Variants in OOEP observed in about 807,000 individuals in gnomAD.
OOEP encodes oocyte expressed protein.
Under a neutral mutation model 13.7 loss-of-function variants are expected in OOEP, and 16 were observed. That is an observed-to-expected ratio of 1.16 (90% CI 0.79 to 1.77). The LOEUF is 1.77. Ranked by LOEUF, OOEP falls within the 40% of genes most tolerant of loss-of-function variation. The probability of loss-of-function intolerance (pLI) is 0.00; values close to 1 mark genes in which losing one functional copy is unlikely to be tolerated. For synonymous variants in OOEP, 89 were observed against 77.1 expected (o/e 1.15, Z -0.81); for missense variants, 195 against 193.1 (o/e 1.01, Z -0.06).
At chr6:73,379,657 A>AAAAAG (rs56207164) in intron 2 of OOEP, among the ~76,000 whole-genome samples, 10,819 of 110,754 alleles carry the variant, frequency 0.098, 1,441 homozygotes, top group East Asian at 0.25. Flanking sequence ...AAAAAAAAAA[A>AAAAAG]AAAAGTGGCC....
chr6:73,369,762 G>A lies in OOEP; in HGVS notation c.31C>T (p.Gln11Ter), dbSNP rs765046851. 6 of 1,613,890 alleles carry A rather than the reference G, an allele frequency of 3.7e-6. No homozygotes were observed. Among genetic ancestry groups the A allele is most frequent in the Non-Finnish European group, 4.2e-6 (5 of 1,179,852 alleles). The change falls in exon 1 of 3, where the codon CAG (glutamine) becomes TAG (stop). Residue 11 changes from glutamine to a stop codon, truncating the protein, a stop_gained. Coordinates refer to ENST00000370359, the MANE Select transcript of OOEP (RefSeq NM_001080507.3). LOFTEE classifies it high-confidence loss of function. MVDDAGAAES[Q>*]RGKQTPAHSL... ...TGGGCCGGAGTCTGTTTGCCCCGCT[G>A]GGACTCAGCGGCACCAGCATCATCG...
intron 2 of OOEP, among the ~76,000 whole-genome samples, chr6:73,381,868 C>T (rs992408712): frequency 6.6e-6 from 1 of 152,068 alleles, no homozygotes; most frequent in African/African-American, 2.4e-5. Context: ...GTAAACCCAG[C>T]TACTTGGGAG....
intron 2 of OOEP, among the ~76,000 whole-genome samples, chr6:73,388,341 G>T (rs1769302657): frequency 6.6e-6 from 1 of 152,158 alleles, no homozygotes; most frequent in Non-Finnish European, 1.5e-5. Context: ...AAGGGGAAAA[G>T]TCAGAGTGCA....
chr6:73,390,714 C>A (rs1196216984), intron 2 of OOEP, among the ~76,000 whole-genome samples: 1 of 150,412 alleles, frequency 6.6e-6, no homozygotes, highest in Non-Finnish European at 1.5e-5. Flanking sequence ...GTAGCTGGAG[C>A]TATAAGCATG....
At chr6:73,392,467 G>C (rs1769360464) in intron 2 of OOEP, among the ~76,000 whole-genome samples, 1 of 151,836 alleles carries the variant, frequency 6.6e-6, no homozygotes, top group South Asian at 2.1e-4. Context: ...ACCATGCCTG[G>C]CTAATTTTTT....
At chr6:73,375,042 G>C (rs1371266592) in intron 2 of OOEP, among the ~76,000 whole-genome samples, 1 of 151,992 alleles carries the variant, frequency 6.6e-6, no homozygotes, top group African/African-American at 2.4e-5. Context: ...GGCCAGGCTG[G>C]TCTCAAACTC....
At chr6:73,379,201 T>A (rs983628428) in intron 2 of OOEP, among the ~76,000 whole-genome samples, 4 of 151,736 alleles carry the variant, frequency 2.6e-5, no homozygotes, top group African/African-American at 7.2e-5. Flanking sequence ...ATTTTTATGC[T>A]TTTGTAGAGA....
intron 2 of OOEP, among the ~76,000 whole-genome samples, chr6:73,390,531 C>CT (rs1242930182): frequency 1.3e-5 from 2 of 149,618 alleles, no homozygotes; most frequent in Admixed American, 1.3e-4. Context: ...TATTATTTTG[C>CT]TTTTTTTGTT....
chr6:73,376,362 T>G (rs978665155), intron 2 of OOEP, among the ~76,000 whole-genome samples: 6 of 148,376 alleles, frequency 4.0e-5, no homozygotes, highest in Non-Finnish European at 8.9e-5. Context: ...TTTTTTTTTT[T>G]TTTTTTTTTT....
upstream of OOEP, among the ~76,000 whole-genome samples, chr6:73,373,674 C>T (rs868729688): frequency 6.6e-6 from 1 of 152,146 alleles, no homozygotes. Flanking sequence ...ACTGCAACCT[C>T]CGCCTCCTGG....
At chr6:73,392,610 C>CT (rs1343579255) in intron 2 of OOEP, among the ~76,000 whole-genome samples, 1 of 135,914 alleles carries the variant, frequency 7.4e-6, no homozygotes, top group Non-Finnish European at 1.5e-5. Context: ...GGCCTATTTC[C>CT]TAGGTAATCT....
chr6:73,373,417 G>A (rs1769091710), upstream of OOEP, among the ~76,000 whole-genome samples: 1 of 152,084 alleles, frequency 6.6e-6, no homozygotes, highest in Admixed American at 6.6e-5. Flanking sequence ...GCTGAGGCAG[G>A]TGCATGCCAT....
chr6:73,375,769 G>A (rs904237772), intron 2 of OOEP, among the ~76,000 whole-genome samples: 1 of 148,618 alleles, frequency 6.7e-6, no homozygotes, highest in African/African-American at 2.5e-5. Flanking sequence ...TGCTGCAGCT[G>A]TAAATTGTCA....
At chr6:73,381,671 G>A (rs532315390) in intron 2 of OOEP, among the ~76,000 whole-genome samples, 3 of 152,232 alleles carry the variant, frequency 2.0e-5, no homozygotes, top group Admixed American at 6.5e-5. Flanking sequence ...GTGGGCCGGC[G>A]TGGGGGGACA....
intron 2 of OOEP, among the ~76,000 whole-genome samples, chr6:73,390,213 C>T (rs1205887115): frequency 1.3e-5 from 2 of 152,088 alleles, no homozygotes; most frequent in Non-Finnish European, 2.9e-5. Flanking sequence ...ATCCACTGCC[C>T]AAACTCAAGG....
intron 2 of OOEP, among the ~76,000 whole-genome samples, chr6:73,382,476 A>T (rs1233730670): frequency 6.6e-6 from 1 of 151,516 alleles, no homozygotes; most frequent in African/African-American, 2.4e-5. Context: ...TCAGCCTCCC[A>T]AAGTGCTGGG....
At chr6:73,374,783 G>T (rs910053228), upstream of OOEP, among the ~76,000 whole-genome samples, 1 of 151,944 alleles carries the variant, frequency 6.6e-6, no homozygotes, top group African/African-American at 2.4e-5. Flanking sequence ...TTTACTGATG[G>T]GGGAAGGGAG....
intron 2 of OOEP, chr6:73,394,325 C>A: frequency 1.4e-6 from 1 of 715,164 alleles, no homozygotes; most frequent in South Asian, 1.5e-5. Context: ...TGGATTGGGT[C>A]ACCTTGTAAC....
chr6:73,369,682 C>A lies in OOEP; in HGVS notation c.111G>T (p.Arg37=). The A allele has an allele frequency of 6.2e-7, 1 of 1,614,038 alleles. No individual in the cohort carries two copies. Among genetic ancestry groups the A allele is most frequent in the Non-Finnish European group, 8.5e-7 (1 of 1,179,898 alleles). The part of the protein sequence containing the change: ...LPLPPPQIRI[R]PWWFPVQELR... ...GTTCCTGCACCGGAAACCACCAGGG[C>A]CGGATGCGAATCTGTGGCGGCGGAA... The change falls in exon 1 of 3, where the codon CGG becomes CGT. Residue 37 remains arginine, a synonymous_variant. Coordinates refer to ENST00000370359, the MANE Select transcript of OOEP (RefSeq NM_001080507.3).
Sources: allele counts gnomAD v4.1 joint callset (sites outside exome capture counted in the v4.1 genomes callset), GRCh38; gene constraint gnomAD v4.1.1; transcripts MANE v1.5; gene names NCBI Gene and HGNC (gene_info 2026-07-23, HGNC 2026-07-21).